TTC6: variants seen among roughly 807,000 people sequenced by gnomAD.
TTC6 encodes the protein tetratricopeptide repeat domain 6, also known as tetratricopeptide repeat protein 6.
Under a neutral mutation model 210.4 loss-of-function variants are expected in TTC6, and 172 were observed. That is an observed-to-expected ratio of 0.82 (90% CI 0.72 to 0.93). The LOEUF (loss-of-function observed/expected upper bound fraction) is 0.93. Ranked by LOEUF, TTC6 falls within the 40% of genes least tolerant of loss-of-function variation. The pLI is 0.00. For missense variants in TTC6, 2,414 were observed against 2,318.1 expected (o/e 1.04, Z -0.85); for synonymous variants, 804 against 819.6 (o/e 0.98, Z 0.32).
intron 30 of TTC6, 118 bp downstream of exon 32, chr14:37,841,788 GT>G: frequency 1.2e-6 from 1 of 839,496 alleles, no homozygotes; most frequent in Non-Finnish European, 1.8e-6. Flanking sequence ...AAGAATTAGT[GT>G]TTTTAGATAT....
chr14:37,823,933 A>C, exon 27 of TTC6: 1 of 1,613,912 alleles, frequency 6.2e-7, no homozygotes, highest in Non-Finnish European at 8.5e-7. Flanking sequence ...TAAAAGCCAG[A>C]ATTAGTTTTG....
chr14:37,751,794 A>C (rs1343254818), intron 13 of TTC6, among the ~76,000 whole-genome samples: 1 of 150,524 alleles, frequency 6.6e-6, no homozygotes, highest in African/African-American at 2.4e-5. Context: ...ACTTATGTTT[A>C]GGAGATACCA....
At chr14:37,614,426 A>C (rs2095639314) in intron 2 of TTC6, among the ~76,000 whole-genome samples, 1 of 152,178 alleles carries the variant, frequency 6.6e-6, no homozygotes, top group African/African-American at 2.4e-5. Flanking sequence ...GCACCTACCT[A>C]CATAAACATC....
At chr14:37,686,302 A>G (rs1045208939) in intron 3 of TTC6, among the ~76,000 whole-genome samples, 4 of 152,218 alleles carry the variant, frequency 2.6e-5, no homozygotes, top group Admixed American at 6.5e-5. Flanking sequence ...TGCCTGACAT[A>G]CAGAAAACTC....
chr14:37,765,626 A>G (rs1307504984), intron 14 of TTC6, among the ~76,000 whole-genome samples: 5 of 152,026 alleles, frequency 3.3e-5, no homozygotes. Flanking sequence ...CCTATTCAGT[A>G]CTTTTGTTGG....
At chr14:37,740,358 A>G (rs185237954) in intron 10 of TTC6, among the ~76,000 whole-genome samples, 8 of 152,276 alleles carry the variant, frequency 5.3e-5, no homozygotes, top group South Asian at 2.1e-4. Context: ...TTCTTATAAC[A>G]AACATATTGT....
In TTC6 at chr14:37,669,218, G is replaced by A. The variant is rs141284876; in HGVS notation, c.940-10933G>A. On this transcript the variant is annotated intron_variant, in intron 1 of 30. Transcript: ENST00000553443. The stretch of plus-strand genomic sequence containing the variant: ...AGAATCTGGCTGTGAGCAAAACCAT[G>A]TTAGAGAACCAAATAAGCACACAAC... Among the ~76,000 whole-genome samples the A allele has an allele frequency of 3.5e-3, 540 of 152,288 alleles. 5 individuals are homozygous for A. Among genetic ancestry groups the A allele is most frequent in the African/African-American group, 0.012 (511 of 41,566 alleles).
chr14:37,766,246 A>G (rs1225421866), intron 14 of TTC6, among the ~76,000 whole-genome samples: 4 of 152,110 alleles, frequency 2.6e-5, no homozygotes, highest in African/African-American at 9.7e-5. Context: ...AGAGGTACAT[A>G]TGCACATTTA....
chr14:37,778,259 G>T (rs576418071), intron 14 of TTC6, among the ~76,000 whole-genome samples: 1 of 152,246 alleles, frequency 6.6e-6, no homozygotes, highest in African/African-American at 2.4e-5. Context: ...TTTGTGGCAG[G>T]GTTGGGTAGG....
intron 17 of TTC6, 72 bp from the exon 20 acceptor site, chr14:37,795,198 G>T: frequency 9.8e-7 from 1 of 1,022,390 alleles, no homozygotes; most frequent in South Asian, 1.6e-5. Flanking sequence ...TAGAAAGGGT[G>T]GGAGAGGATA....
chr14:37,598,107 G>A lies in TTC6; in HGVS notation c.-235+2099G>A, dbSNP rs1214997166. Among the ~76,000 whole-genome samples, 2 of 152,204 alleles carry A rather than the reference G, an allele frequency of 1.3e-5. No individual in the cohort carries two copies. Among genetic ancestry groups the A allele is most frequent in the Admixed American group, 6.5e-5 (1 of 15,292 alleles). ...TGGCCAGTCGGTAGCCAGGTCCAGC[G>A]GCTGCAGCCTGCTCTTTTCCAACCT... On this transcript the variant is annotated intron_variant, in intron 1 of 2. Transcript: ENST00000556845. The surrounding 1 kb of genome is among the most constrained non-coding windows in gnomAD (Gnocchi z 4.9).
At position 37,778,949 on chromosome 14, in the gene TTC6, A is replaced by G. The variant is rs934238503; in HGVS notation, c.3267-8519A>G. Among the ~76,000 whole-genome samples, 47 of 152,136 alleles carry G rather than the reference A, an allele frequency of 3.1e-4. 1 individual carries two copies. Among genetic ancestry groups the G allele is most frequent in the Non-Finnish European group, 5.6e-4 (38 of 68,012 alleles). ...GCATGGCAGACCTTGGGGTATGGGT[A>G]TCCCTGACTGTGCTTCATTGCAGAC... is the stretch of plus-strand genomic sequence containing the variant. On this transcript the variant is annotated intron_variant, in intron 14 of 30. Transcript: ENST00000553443.
chr14:37,751,115 A>T (rs2095950564), exon 13 of TTC6: 1 of 1,532,256 alleles, frequency 6.5e-7, no homozygotes, highest in East Asian at 2.5e-5. Context: ...GGCAATTCTA[A>T]ACTATACCCA....
intron 14 of TTC6, among the ~76,000 whole-genome samples, chr14:37,755,139 T>C (rs947422570): frequency 6.6e-6 from 1 of 151,738 alleles, no homozygotes; most frequent in Non-Finnish European, 1.5e-5. Context: ...TTGATTTGCA[T>C]TGATGATCTT....
exon 5 of TTC6, chr14:37,701,366 G>C (rs2095824985): frequency 1.3e-6 from 2 of 1,489,606 alleles, no homozygotes; most frequent in Admixed American, 2.6e-5. Context: ...GCACCTTCAT[G>C]ATCTGTGCAC....
At chr14:37,778,562 C>G (rs1167886979) in intron 14 of TTC6, among the ~76,000 whole-genome samples, 1 of 152,112 alleles carries the variant, frequency 6.6e-6, no homozygotes, top group Non-Finnish European at 1.5e-5. Flanking sequence ...CATGTGTGTG[C>G]ACCTACAAAG....
chr14:37,617,830 C>T (rs1260597840), upstream of TTC6, among the ~76,000 whole-genome samples: 2 of 152,140 alleles, frequency 1.3e-5, no homozygotes, highest in Non-Finnish European at 2.9e-5. Flanking sequence ...TGACATTGGC[C>T]TGAAGTTTAG....
chr14:37,691,266 GT>G (rs1365284510), intron 3 of TTC6, among the ~76,000 whole-genome samples: 1 of 152,118 alleles, frequency 6.6e-6, no homozygotes, highest in East Asian at 1.9e-4. Context: ...GCAGTTGGAG[GT>G]TGCGGTGAGC....
At chr14:37,722,634 C>T (rs2095864128) in intron 6 of TTC6, among the ~76,000 whole-genome samples, 1 of 152,164 alleles carries the variant, frequency 6.6e-6, no homozygotes, top group Non-Finnish European at 1.5e-5. Flanking sequence ...GCCACCACAC[C>T]CAGCCATGAT....
Sources: gnomAD v4.1 joint callset for allele counts (sites outside exome capture counted in the v4.1 genomes callset) on GRCh38, gnomAD v4.1.1 for gene constraint, Gnocchi (gnomAD v3.1) non-coding constraint, MANE v1.5 for transcripts, NCBI Gene and HGNC (gene_info 2026-07-23, HGNC 2026-07-21) for gene names.